The following RHOU variants were observed in gnomAD, a reference collection of about 807,000 sequenced individuals.
RHOU encodes ras homolog family member U.
Under a neutral mutation model 12.6 loss-of-function variants are expected in RHOU, and 8 were observed. The ratio of observed to expected loss-of-function variants is 0.64; its 90% CI spans 0.37 to 1.15. The LOEUF (loss-of-function observed/expected upper bound fraction) is 1.15, where lower values mean the gene tolerates loss of function less well. RHOU is among the 50% of genes most tolerant of loss of function. The pLI, the probability that RHOU is intolerant of heterozygous loss-of-function variation, is 0.01. For missense variants in RHOU, 258 were observed against 347.0 expected, an observed-to-expected ratio of 0.74 and a Z score of 2.04; for synonymous variants, 161 against 147.4, an observed-to-expected ratio of 1.09 and a Z score of -0.67.
At chr1:228,730,189 G>A in the RHOU span, among the ~76,000 whole-genome samples, 1 of 152,192 alleles carries the variant, frequency 6.6e-6, no homozygotes, top group Admixed American at 6.5e-5. Flanking sequence ...CACAAGTTTG[G>A]GAATTGCTGG....
the RHOU span, among the ~76,000 whole-genome samples, chr1:228,658,286 C>CAA: frequency 2.8e-3 from 265 of 93,756 alleles, no homozygotes; most frequent in East Asian, 0.013. Flanking sequence ...GACCCTGTCT[C>CAA]AAAAAAAAAA....
chr1:228,676,876 T>C, the RHOU span, among the ~76,000 whole-genome samples: 1 of 152,308 alleles, frequency 6.6e-6, no homozygotes, highest in African/African-American at 2.4e-5. Flanking sequence ...TGGAATGTTA[T>C]CAGTTAAGGC....
upstream of RHOU, among the ~76,000 whole-genome samples, chr1:228,734,005 T>C (rs1239703420): frequency 6.6e-6 from 1 of 152,056 alleles, no homozygotes; most frequent in Non-Finnish European, 1.5e-5. Flanking sequence ...ATCCTTGACA[T>C]CCCCCTTATC....
the RHOU span, among the ~76,000 whole-genome samples, chr1:228,726,879 G>T: frequency 6.6e-6 from 1 of 152,044 alleles, no homozygotes; most frequent in African/African-American, 2.4e-5. Context: ...GGGGGAGGAG[G>T]GTCTTTTTGG....
the RHOU span, among the ~76,000 whole-genome samples, chr1:228,682,540 G>T: frequency 2.6e-5 from 4 of 152,202 alleles, no homozygotes; most frequent in Admixed American, 6.5e-5. Context: ...CCAGGCAGGG[G>T]GTGGATCTCA....
chr1:228,734,799 T>C (rs923067844), upstream of RHOU, among the ~76,000 whole-genome samples: 5 of 152,310 alleles, frequency 3.3e-5, no homozygotes, highest in Non-Finnish European at 5.9e-5. Context: ...TTCAGACATA[T>C]TAATGTCTCC....
At chr1:228,742,969 C>T (rs1201864849) in intron 2 of RHOU, among the ~76,000 whole-genome samples, 1 of 152,174 alleles carries the variant, frequency 6.6e-6, no homozygotes, top group African/African-American at 2.4e-5. Flanking sequence ...CATTTTATTT[C>T]TAGAACCCAC....
Position 228,745,621 on chromosome 1 carries a change from C to T in RHOU, c.*1881C>T, listed in dbSNP as rs1422147582. The T allele has an allele frequency of 6.6e-6, 1 of 152,144 alleles. No individual in the cohort carries two copies. Among genetic ancestry groups the T allele is most frequent in the African/African-American group, 2.4e-5 (1 of 41,426 alleles). The allele number at this position is 152,144 out of a possible 1,614,324, so 9.4% of individuals were successfully genotyped here. A position where few individuals can be genotyped will look rare whatever the true frequency, so the allele number is the denominator to read the frequency against. Reference sequence around the variant, plus strand: ...TTGGAATTGATGTCGGTCATAGTTTCCTGAAGCATTTAGTTACAACCTGAA... The same window carrying T: ...TTGGAATTGATGTCGGTCATAGTTTTCTGAAGCATTTAGTTACAACCTGAA... On this transcript the variant is annotated 3_prime_UTR_variant, in exon 3 of 3. Coordinates refer to ENST00000366691, the MANE Select transcript of RHOU (RefSeq NM_021205.6).
chr1:228,686,577 A>C, the RHOU span, among the ~76,000 whole-genome samples: 2 of 152,242 alleles, frequency 1.3e-5, no homozygotes, highest in Admixed American at 1.3e-4. Context: ...AGTGCAAGCC[A>C]TGGTGAGCAC....
the RHOU span, among the ~76,000 whole-genome samples, chr1:228,669,562 A>C: frequency 7.2e-5 from 11 of 152,228 alleles, no homozygotes; most frequent in African/African-American, 2.4e-4. Context: ...ATGAGCTTTT[A>C]TTAAGCCATG....
the RHOU span, among the ~76,000 whole-genome samples, chr1:228,673,890 A>G: frequency 6.6e-6 from 1 of 152,196 alleles, no homozygotes; most frequent in Non-Finnish European, 1.5e-5. Context: ...ATACATTTCT[A>G]TTGAGCGTAT....
chr1:228,707,138 A>G, the RHOU span, among the ~76,000 whole-genome samples: 18 of 124,372 alleles, frequency 1.4e-4, no homozygotes, highest in East Asian at 5.0e-4. Flanking sequence ...ATATATATAT[A>G]TATATATGTA....
chr1:228,660,645 C>A, the RHOU span, among the ~76,000 whole-genome samples: 2 of 151,616 alleles, frequency 1.3e-5, no homozygotes, highest in Admixed American at 1.3e-4. Context: ...AACTATACCC[C>A]TAGTCTGCCT....
rs369546006 is a variant in RHOU, at chr1:228,743,104, G to A, written c.322-181G>A. Among the ~76,000 whole-genome samples the A allele has an allele frequency of 3.4e-4, 52 of 152,298 alleles. No individual in the cohort carries two copies. The highest frequency in any genetic ancestry group is 8.9e-4 in the African/African-American group (37 of 41,558). ...GAAAGCAGATGGCTGCCACACCTTC[G>A]CTGGTGCACTGGCCCCGCTTGGGTA... On this transcript the variant is annotated intron_variant, in intron 2 of 2. Transcript: ENST00000366691. The surrounding 1 kb of genome is among the most constrained non-coding windows in gnomAD (Gnocchi z 5.1).
At position 228,743,501 on chromosome 1, in the gene RHOU, G is replaced by C; in HGVS notation, c.538G>C (p.Glu180Gln). Reference sequence around the variant, plus strand: ...CCTCATTGAGTTGGACAAATGCAAAGAAAAGCCAGTGCCTGAAGAGGCGGC... The same window carrying C: ...CCTCATTGAGTTGGACAAATGCAAACAAAAGCCAGTGCCTGAAGAGGCGGC... ...KVLIELDKCK[E>Q]KPVPEEAAKL... Residue 180 changes from glutamate to glutamine, a missense_variant, in exon 3 of 3, where the codon GAA (glutamate) becomes CAA (glutamine). Transcript: ENST00000366691. This position sits in a 1 kb window ranked among gnomAD's most constrained non-coding sequence, Gnocchi z 5.1. The C allele has an allele frequency of 6.2e-7, 1 of 1,614,186 alleles. No homozygotes were observed. The highest frequency in any genetic ancestry group is 1.1e-5 in the South Asian group (1 of 91,078).
the RHOU span, among the ~76,000 whole-genome samples, chr1:228,662,183 G>A: frequency 3.3e-5 from 5 of 152,208 alleles, no homozygotes; most frequent in Non-Finnish European, 7.3e-5. Context: ...TGAAACAACA[G>A]GTGCTGGAGA....
Position 228,743,751 on chromosome 1 carries a change from A to T in RHOU, c.*11A>T. Reference sequence around the variant, plus strand: ...TGCTGTTTCGTATGATGCTGGCAAGACACCCAGAAAGGCTATTTTCAGATG... The same window carrying T: ...TGCTGTTTCGTATGATGCTGGCAAGTCACCCAGAAAGGCTATTTTCAGATG... On this transcript the variant is annotated 3_prime_UTR_variant, in exon 3 of 3. Coordinates refer to ENST00000366691, the MANE Select transcript of RHOU (RefSeq NM_021205.6). The surrounding 1 kb of genome is among the most constrained non-coding windows in gnomAD (Gnocchi z 5.1). 6.3e-7 allele frequency: 1 copy of T among 1,595,590 alleles called. No individual in the cohort carries two copies. Among genetic ancestry groups the T allele is most frequent in the Non-Finnish European group, 8.5e-7 (1 of 1,171,620 alleles).
chr1:228,670,566 T>G, the RHOU span, among the ~76,000 whole-genome samples: 6 of 152,234 alleles, frequency 3.9e-5, no homozygotes, highest in Admixed American at 2.6e-4. Flanking sequence ...AGTAGCCACT[T>G]AACAGACCAG....
chr1:228,677,781 G>A, the RHOU span, among the ~76,000 whole-genome samples: 2 of 152,276 alleles, frequency 1.3e-5, no homozygotes, highest in South Asian at 2.1e-4. Flanking sequence ...AGAGGCTTAA[G>A]GGTGGCGATT....
Sources: gnomAD v4.1 joint callset for allele counts (sites outside exome capture counted in the v4.1 genomes callset) on GRCh38, gnomAD v4.1.1 for gene constraint, Gnocchi (gnomAD v3.1) non-coding constraint, MANE v1.5 for transcripts, NCBI Gene and HGNC (gene_info 2026-07-23, HGNC 2026-07-21) for gene names.